The following QTMAN variants were observed in gnomAD, a reference collection of about 807,000 sequenced individuals.
QTMAN encodes the protein queuosine-tRNA mannosyltransferase.
the QTMAN span, among the ~76,000 whole-genome samples, chr2:144,052,359 A>AT: frequency 1.3e-5 from 2 of 152,214 alleles, no homozygotes; most frequent in Non-Finnish European, 2.9e-5. Context: ...TTACTGCAAT[A>AT]TTGCGGGGTT....
At chr2:144,084,038 G>A in the QTMAN span, among the ~76,000 whole-genome samples, 11 of 152,170 alleles carry the variant, frequency 7.2e-5, no homozygotes, top group African/African-American at 1.4e-4. Context: ...TAAGAGAATC[G>A]CAAAACAATT....
chr2:144,299,699 A>C, the QTMAN span, among the ~76,000 whole-genome samples: 1 of 152,236 alleles, frequency 6.6e-6, no homozygotes, highest in South Asian at 2.1e-4. Flanking sequence ...AAAATGGTGC[A>C]GCCACTATGG....
At chr2:144,328,186 G>A in the QTMAN span, among the ~76,000 whole-genome samples, 1 of 152,084 alleles carries the variant, frequency 6.6e-6, no homozygotes, top group Non-Finnish European at 1.5e-5. Context: ...CCTTACCTCA[G>A]GTGATCCACC....
At chr2:144,088,271 A>C in the QTMAN span, among the ~76,000 whole-genome samples, 1 of 152,078 alleles carries the variant, frequency 6.6e-6, no homozygotes, top group Non-Finnish European at 1.5e-5. Flanking sequence ...CAAGGAAGTG[A>C]AAGATCTCTA....
chr2:144,049,291 C>T, the QTMAN span, among the ~76,000 whole-genome samples: 4 of 152,286 alleles, frequency 2.6e-5, no homozygotes, highest in East Asian at 3.9e-4. Context: ...ATAGAAATAT[C>T]TAACTCCATG....
chr2:144,258,229 AAAC>A, the QTMAN span, among the ~76,000 whole-genome samples: 2 of 151,528 alleles, frequency 1.3e-5, no homozygotes, highest in African/African-American at 4.9e-5. Context: ...TGCAAAAAAA[AAAC>A]AAAAACAAAA....
the QTMAN span, among the ~76,000 whole-genome samples, chr2:144,323,373 C>T: frequency 6.6e-6 from 1 of 152,192 alleles, no homozygotes; most frequent in Non-Finnish European, 1.5e-5. Context: ...CAAGGACATT[C>T]TTAAGTGAAA....
At chr2:144,084,425 A>G in the QTMAN span, among the ~76,000 whole-genome samples, 1 of 152,202 alleles carries the variant, frequency 6.6e-6, no homozygotes, top group African/African-American at 2.4e-5. Context: ...CTCACAGTGG[A>G]TCTGGAAAAT....
the QTMAN span, among the ~76,000 whole-genome samples, chr2:144,209,259 T>C: frequency 1.3e-5 from 2 of 152,264 alleles, no homozygotes; most frequent in African/African-American, 4.8e-5. Flanking sequence ...TATAAGGCCC[T>C]TTCTGGTTCA....
At chr2:144,260,241 T>C in the QTMAN span, among the ~76,000 whole-genome samples, 125 of 152,272 alleles carry the variant, frequency 8.2e-4, no homozygotes, top group African/African-American at 2.9e-3. Context: ...TGAAATAACA[T>C]CATTTTTATT....
At chr2:144,182,820 A>ATATATATATTT in the QTMAN span, among the ~76,000 whole-genome samples, 9 of 32,120 alleles carry the variant, frequency 2.8e-4, no homozygotes, top group African/African-American at 6.2e-4. Context: ...TATATATATT[A>ATATATATATTT]TATATATAAT....
chr2:144,219,273 G>C, the QTMAN span, among the ~76,000 whole-genome samples: 453 of 152,234 alleles, frequency 3.0e-3, 1 homozygote, highest in Non-Finnish European at 4.8e-3. Flanking sequence ...TGGGATTGCA[G>C]GCACGCACCA....
At chr2:144,298,000 G>A in the QTMAN span, among the ~76,000 whole-genome samples, 1,085 of 151,438 alleles carry the variant, frequency 7.2e-3, 12 homozygotes, top group African/African-American at 0.025. Flanking sequence ...AAAGTATTAC[G>A]ACTACATAGA....
At chr2:144,312,772 G>T in the QTMAN span, among the ~76,000 whole-genome samples, 1 of 152,134 alleles carries the variant, frequency 6.6e-6, no homozygotes, top group Non-Finnish European at 1.5e-5. Flanking sequence ...GTTCTCCTGA[G>T]ATCTGATGGT....
At chr2:144,190,175 G>A in the QTMAN span, among the ~76,000 whole-genome samples, 2 of 152,018 alleles carry the variant, frequency 1.3e-5, no homozygotes, top group Non-Finnish European at 2.9e-5. Context: ...AAAACAACTA[G>A]GCAGAGTTCT....
the QTMAN span, among the ~76,000 whole-genome samples, chr2:144,236,065 A>G: frequency 2.6e-5 from 4 of 151,942 alleles, no homozygotes; most frequent in African/African-American, 4.8e-5. Context: ...CCTGAATGAT[A>G]TATGTAAAAT....
chr2:144,298,153 G>A, the QTMAN span, among the ~76,000 whole-genome samples: 34 of 151,600 alleles, frequency 2.2e-4, no homozygotes, highest in Non-Finnish European at 3.8e-4. Context: ...CGAGTAGCTG[G>A]GACTACAGGC....
At chr2:144,215,094 T>C in the QTMAN span, among the ~76,000 whole-genome samples, 1 of 151,986 alleles carries the variant, frequency 6.6e-6, no homozygotes, top group Non-Finnish European at 1.5e-5. Context: ...TTTTAAAAAT[T>C]AGCTGAGTGT....
the QTMAN span, among the ~76,000 whole-genome samples, chr2:144,222,296 T>C: frequency 6.6e-6 from 1 of 151,476 alleles, no homozygotes; most frequent in African/African-American, 2.4e-5. Flanking sequence ...CCTGACCTCA[T>C]GGTCCGCCTG....
Sources: allele counts gnomAD v4.1 joint callset (sites outside exome capture counted in the v4.1 genomes callset), GRCh38; gene constraint gnomAD v4.1.1; transcripts MANE v1.5; gene names NCBI Gene and HGNC (gene_info 2026-07-23, HGNC 2026-07-21).